The following RAB8A variants were observed in gnomAD, a reference collection of about 807,000 sequenced individuals.
RAB8A encodes RAB8A, member RAS oncogene family, also known as ras-related protein Rab-8A.
RAB8A carries 5 observed loss-of-function variants against 29.2 expected under a neutral mutation model. That is an observed-to-expected ratio of 0.17 (90% CI 0.09 to 0.36). The LOEUF is 0.36. Among genes scored for constraint, RAB8A ranks in the 10% least tolerant of loss-of-function variants. The pLI, the probability that RAB8A is intolerant of heterozygous loss-of-function variation, is 1.00. For synonymous variants in RAB8A, 108 were observed against 99.9 expected (o/e 1.08, Z -0.49); for missense variants, 171 against 272.2 (o/e 0.63, Z 2.62).
intron 3 of RAB8A, chr19:16,123,980 C>T (rs1599397448): frequency 6.6e-6 from 1 of 152,118 alleles, no homozygotes; most frequent in Admixed American, 6.5e-5. Flanking sequence ...GCCCCACTAA[C>T]GTCCAGGTTC....
chr19:16,117,530 G>A (rs1362627726), intron 1 of RAB8A, among the ~76,000 whole-genome samples: 3 of 152,010 alleles, frequency 2.0e-5, no homozygotes, highest in Non-Finnish European at 4.4e-5. Flanking sequence ...GAGGTTAGCT[G>A]TGTAACATGG....
intron 6 of RAB8A, among the ~76,000 whole-genome samples, chr19:16,128,905 C>G (rs1278260092): frequency 3.3e-5 from 5 of 152,276 alleles, no homozygotes; most frequent in Non-Finnish European, 7.3e-5. Context: ...TCTCCAGAAC[C>G]TCCCACATCA....
rs753459820 is a variant in RAB8A, at chr19:16,128,493, G to A, written c.480+402G>A. 3.3e-5 allele frequency among the ~76,000 whole-genome samples: 5 copies of A among 152,132 alleles called. No homozygotes were observed. The East Asian group carries it at 5.8e-4, about 18-fold the overall frequency. ...ATAGCAGGGAGCCCTGATGGGACCT[G>A]GGCCCATGCCACCCTCCCCTCTCCA... On this transcript the variant is annotated intron_variant, in intron 6 of 7. Transcript: ENST00000300935.
rs1050141981 is a variant in RAB8A at position 16,125,121 on chromosome 19, G to C, written c.247-349G>C. 5.0e-6 allele frequency: 2 copies of C among 396,966 alleles called. No homozygotes were observed. The highest frequency in any genetic ancestry group is 9.6e-6 in the Non-Finnish European group (2 of 209,214). The allele number at this position is 396,966 out of a possible 1,614,324, so 24.6% of individuals were successfully genotyped here. A position where few individuals can be genotyped will look rare whatever the true frequency, so the allele number is the denominator to read the frequency against. On this transcript the variant is annotated intron_variant, in intron 3 of 7. Coordinates refer to ENST00000300935, the MANE Select transcript of RAB8A (RefSeq NM_005370.5). The surrounding 1 kb of genome is among the most constrained non-coding windows in gnomAD (Gnocchi z 5.0). ...GGGGAGTGCTGCTGGCAGTGGGCCT[G>C]TGGACCGGCTCCCACCGTCAGGCTG...
rs189374030 is a variant in RAB8A, at chr19:16,122,054, G to C, written c.246+244G>C. The C allele has an allele frequency of 5.6e-5, 24 of 427,658 alleles. No individual in the cohort carries two copies. Among genetic ancestry groups the C allele is most frequent in the Middle Eastern group, 6.3e-4 (1 of 1,600 alleles). 26.5% of individuals were successfully genotyped at this position (427,658 alleles called of 1,614,324 possible). ...AATAAAGTGGAAACATAATTCTTTG[G>C]GAATGAAGAAAGACACAGGAAGCCG... On this transcript the variant is annotated intron_variant, in intron 3 of 7. Coordinates refer to ENST00000300935, the MANE Select transcript of RAB8A (RefSeq NM_005370.5). This position sits in a 1 kb window ranked among gnomAD's most constrained non-coding sequence, Gnocchi z 4.7.
At chr19:16,129,446 AT>A in intron 6 of RAB8A, 107 bp from the exon 7 acceptor site, 1 of 1,094,970 alleles carries the variant, frequency 9.1e-7, no homozygotes. Context: ...AAAGGGCCAA[AT>A]GGGAGGCCCA....
intron 7 of RAB8A, among the ~76,000 whole-genome samples, chr19:16,131,852 ATGGTTGGTTGGTTGGTTGGTTGGTTGGT>A (rs72439769): frequency 7.0e-6 from 1 of 142,406 alleles, no homozygotes; most frequent in African/African-American, 2.6e-5. Flanking sequence ...GTATAGATGG[ATGGTTGGTTGGTTGGTTGGTTGGTTGGT>A]TGGTTGGTTG....
chr19:16,123,876 C>T (rs2090885555), intron 3 of RAB8A: 1 of 152,026 alleles, frequency 6.6e-6, no homozygotes, highest in African/African-American at 2.4e-5. Context: ...ACTTGGAGCC[C>T]TGAGGGGTGT....
At position 16,125,413 on chromosome 19, in the gene RAB8A, G is replaced by T; in HGVS notation, c.247-57G>T. On this transcript the variant is annotated intron_variant, in intron 3 of 7. Coordinates refer to ENST00000300935, the MANE Select transcript of RAB8A (RefSeq NM_005370.5). This position sits in a 1 kb window ranked among gnomAD's most constrained non-coding sequence, Gnocchi z 5.0. ...ACCACTGTTCTCTGGTGCCGCTGAG[G>T]CCTCCCTTCCAGAGCCTGCAGCCGA... 1 of 1,487,090 alleles carries T rather than the reference G, an allele frequency of 6.7e-7. No homozygotes were observed. Among genetic ancestry groups the T allele is most frequent in the South Asian group, 1.1e-5 (1 of 87,022 alleles). The allele number at this position is 1,487,090 out of a possible 1,614,324, so 92.1% of individuals were successfully genotyped here.
At chr19:16,129,439 G>A (rs2090915756) in intron 6 of RAB8A, 115 bp from the exon 7 acceptor site, 413 of 992,654 alleles carry the variant, frequency 4.2e-4, no homozygotes, top group Non-Finnish European at 5.6e-4. Flanking sequence ...GGGCATCAAA[G>A]GGCCAAATGG....
At position 16,127,645 on chromosome 19, in the gene RAB8A, C is replaced by A; in HGVS notation, c.414+119C>A. 2 of 786,180 alleles carry A rather than the reference C, an allele frequency of 2.5e-6. No homozygotes were observed. Among genetic ancestry groups the A allele is most frequent in the Non-Finnish European group, 3.9e-6 (2 of 507,992 alleles). The allele number at this position is 786,180 out of a possible 1,614,324, so 48.7% of individuals were successfully genotyped here. A position where few individuals can be genotyped will look rare whatever the true frequency, so the allele number is the denominator to read the frequency against. On this transcript the variant is annotated intron_variant, in intron 5 of 7. Coordinates refer to ENST00000300935, the MANE Select transcript of RAB8A (RefSeq NM_005370.5). The surrounding 1 kb of genome is among the most constrained non-coding windows in gnomAD (Gnocchi z 4.8). ...AGACGAGTTGGTCACCCCAGTGGGG[C>A]ACGTGCCATGGGATGACAGAAGCAC... is the stretch of plus-strand genomic sequence containing the variant.
chr19:16,121,980 C>T (rs915888863), intron 3 of RAB8A, 170 bp downstream of exon 3: 99 of 592,740 alleles, frequency 1.7e-4, no homozygotes, highest in African/African-American at 1.6e-3. Context: ...CCCGGCCTAC[C>T]CCCATGTACA....
At chr19:16,117,694 G>A (rs2090852514) in intron 1 of RAB8A, among the ~76,000 whole-genome samples, 1 of 149,308 alleles carries the variant, frequency 6.7e-6, no homozygotes, top group Non-Finnish European at 1.5e-5. Context: ...CTTGTTAGGA[G>A]GTGATCTTCA....
In RAB8A at chr19:16,127,307, C is replaced by G; in HGVS notation, c.325-130C>G. Reference sequence around the variant, plus strand: ...TTGGCCTCTCTGAGCTTCAGCTTGTCCCTTAGACCAGGCTGTACCTAGCAG... The same window carrying G: ...TTGGCCTCTCTGAGCTTCAGCTTGTGCCTTAGACCAGGCTGTACCTAGCAG... On this transcript the variant is annotated intron_variant, in intron 4 of 7. Coordinates refer to ENST00000300935, the MANE Select transcript of RAB8A (RefSeq NM_005370.5). This position sits in a 1 kb window ranked among gnomAD's most constrained non-coding sequence, Gnocchi z 4.8. 8.3e-6 allele frequency: 4 copies of G among 482,706 alleles called. No homozygotes were observed. The Admixed American group carries it at 1.3e-4, about 16-fold the overall frequency. The allele number at this position is 482,706 out of a possible 1,614,324, so 29.9% of individuals were successfully genotyped here.
chr19:16,129,262 T>C (rs1159051660), intron 6 of RAB8A, among the ~76,000 whole-genome samples: 3 of 152,136 alleles, frequency 2.0e-5, no homozygotes, highest in African/African-American at 7.2e-5. Flanking sequence ...TGTCGCCCCA[T>C]CTCACAGGGC....
intron 1 of RAB8A, among the ~76,000 whole-genome samples, chr19:16,117,863 G>A (rs2090853432): frequency 6.6e-6 from 1 of 152,206 alleles, no homozygotes; most frequent in South Asian, 2.1e-4. Flanking sequence ...GTGCCTGGGG[G>A]TTGGTCAGCT....
At chr19:16,112,640 C>T (rs1478335968) in intron 1 of RAB8A, 1 of 156,698 alleles carries the variant, frequency 6.4e-6, no homozygotes, top group African/African-American at 2.4e-5. Flanking sequence ...AAACTCGAGG[C>T]TTAGCTCTCC....
chr19:16,116,037 A>G (rs1163521102), intron 1 of RAB8A, among the ~76,000 whole-genome samples: 1 of 152,230 alleles, frequency 6.6e-6, no homozygotes, highest in Non-Finnish European at 1.5e-5. Context: ...TGCAGCAGAT[A>G]CATACATGTA....
intron 6 of RAB8A, among the ~76,000 whole-genome samples, chr19:16,128,944 C>T (rs1298448162): frequency 2.0e-5 from 3 of 152,346 alleles, no homozygotes; most frequent in South Asian, 4.1e-4. Context: ...TCACGCCTCC[C>T]GCCATCTCTG....
Sources: allele counts gnomAD v4.1 joint callset (sites outside exome capture counted in the v4.1 genomes callset), GRCh38; gene constraint gnomAD v4.1.1; non-coding constraint Gnocchi (gnomAD v3.1); transcripts MANE v1.5; gene names NCBI Gene and HGNC (gene_info 2026-07-23, HGNC 2026-07-21).